The following PTPRN2 variants were observed in gnomAD, a reference collection of about 807,000 sequenced individuals.
The protein encoded by PTPRN2 is protein tyrosine phosphatase receptor type N2.
Under a neutral mutation model 118.8 loss-of-function variants are expected in PTPRN2, and 74 were observed. The observed-to-expected ratio is 0.62, with a 90% CI of 0.52 to 0.76. The LOEUF is 0.76. Among genes scored for constraint, PTPRN2 ranks in the 30% least tolerant of loss-of-function variants. The probability of loss-of-function intolerance (pLI) is 0.00; values close to 1 mark genes in which losing one functional copy is unlikely to be tolerated. For missense variants in PTPRN2, 1,481 were observed against 1,394.4 expected, an observed-to-expected ratio of 1.06 and a Z score of -0.99; for synonymous variants, 641 against 608.0, an observed-to-expected ratio of 1.05 and a Z score of -0.80.
chr7:157,772,253 GCACACAGACACC>G (rs1429200829), intron 12 of PTPRN2, among the ~76,000 whole-genome samples: 1 of 90,936 alleles, frequency 1.1e-5, no homozygotes, highest in Admixed American at 1.2e-4. Context: ...AGACACAGAC[GCACACAGACACC>G]CATACAGACA....
intron 12 of PTPRN2, among the ~76,000 whole-genome samples, chr7:157,755,290 C>A (rs1314347725): frequency 6.6e-6 from 1 of 152,108 alleles, no homozygotes; most frequent in Admixed American, 6.5e-5. Context: ...ACCCAGAAAC[C>A]CAGTACTGTG....
At chr7:158,000,513 G>T (rs528601967) in intron 11 of PTPRN2, among the ~76,000 whole-genome samples, 32 of 151,636 alleles carry the variant, frequency 2.1e-4, no homozygotes, top group Admixed American at 3.9e-4. Context: ...TTTCTTAACA[G>T]GAAGCTGCCT....
intron 2 of PTPRN2, among the ~76,000 whole-genome samples, chr7:158,337,273 A>T (rs1183063516): frequency 6.6e-6 from 1 of 151,082 alleles, no homozygotes; most frequent in African/African-American, 2.4e-5. Flanking sequence ...GACGTCACTC[A>T]AACTCACACT....
chr7:157,966,339 C>T (rs1801925006), intron 11 of PTPRN2, among the ~76,000 whole-genome samples: 1 of 151,936 alleles, frequency 6.6e-6, no homozygotes, highest in Admixed American at 6.6e-5. Flanking sequence ...ATCTTCACCA[C>T]CACCATCATT....
intron 12 of PTPRN2, among the ~76,000 whole-genome samples, chr7:157,699,648 G>A (rs890326318): frequency 1.3e-5 from 2 of 152,254 alleles, no homozygotes; most frequent in African/African-American, 4.8e-5. Flanking sequence ...GGCTGTTCTT[G>A]AGCTCCCAAC....
chr7:158,242,076 A>C (rs1042654915), intron 3 of PTPRN2, among the ~76,000 whole-genome samples: 8 of 152,214 alleles, frequency 5.3e-5, no homozygotes, highest in Non-Finnish European at 1.2e-4. Flanking sequence ...CCTATAAGGC[A>C]GGTTCACCCA....
chr7:158,341,250 C>G, intron 2 of PTPRN2, among the ~76,000 whole-genome samples: 1 of 152,088 alleles, frequency 6.6e-6, no homozygotes, highest in East Asian at 1.9e-4. Context: ...ATTGGTGACA[C>G]CTGCAGACGT....
intron 9 of PTPRN2, among the ~76,000 whole-genome samples, chr7:158,116,310 A>G (rs1162362089): frequency 6.6e-6 from 1 of 152,248 alleles, no homozygotes; most frequent in Non-Finnish European, 1.5e-5. Context: ...AGTAGGAAAC[A>G]CCAGGAATCT....
intron 3 of PTPRN2, among the ~76,000 whole-genome samples, chr7:158,249,637 A>T (rs796133038): frequency 2.0e-5 from 3 of 152,282 alleles, no homozygotes; most frequent in African/African-American, 7.2e-5. Context: ...TGAGTCTCCC[A>T]GTTGTGACGT....
intron 13 of PTPRN2, among the ~76,000 whole-genome samples, chr7:157,665,282 G>C (rs1371345236): frequency 6.6e-6 from 1 of 152,252 alleles, no homozygotes; most frequent in African/African-American, 2.4e-5. Context: ...CAGCCACAGC[G>C]GCCCAGTGTG....
intron 1 of PTPRN2, among the ~76,000 whole-genome samples, chr7:158,585,296 C>T (rs1586987412): frequency 6.6e-6 from 1 of 152,214 alleles, no homozygotes; most frequent in Non-Finnish European, 1.5e-5. Flanking sequence ...CCACATTCTG[C>T]CCCAAGGTGG....
chr7:158,044,472 C>T (rs770035790), intron 11 of PTPRN2, among the ~76,000 whole-genome samples: 2 of 152,200 alleles, frequency 1.3e-5, no homozygotes, highest in Non-Finnish European at 2.9e-5. Context: ...TAAATGGGAA[C>T]GTGTTGGAGC....
At chr7:157,786,241 C>T (rs150812889) in intron 12 of PTPRN2, among the ~76,000 whole-genome samples, 284 of 152,326 alleles carry the variant, frequency 1.9e-3, no homozygotes, top group African/African-American at 6.3e-3. Flanking sequence ...CCACAGGTAC[C>T]GTTCACGTAT....
intron 3 of PTPRN2, among the ~76,000 whole-genome samples, chr7:158,229,050 T>C (rs1237476862): frequency 1.3e-5 from 2 of 152,080 alleles, no homozygotes; most frequent in South Asian, 2.1e-4. Context: ...GCCAGCCTTC[T>C]CACACTGCTG....
chr7:157,715,804 G>C (rs1029011362), intron 12 of PTPRN2, among the ~76,000 whole-genome samples: 3 of 152,240 alleles, frequency 2.0e-5, no homozygotes, highest in African/African-American at 7.2e-5. Context: ...TGTCAAGATG[G>C]AGACAGACTC....
At chr7:158,471,925 A>T (rs2129444291) in intron 2 of PTPRN2, among the ~76,000 whole-genome samples, 3 of 152,318 alleles carry the variant, frequency 2.0e-5, no homozygotes, top group Middle Eastern at 3.4e-3. Flanking sequence ...AAGAGAAGAC[A>T]TGGGACAGCC....
At chr7:158,505,446 T>C (rs965709263) in intron 1 of PTPRN2, among the ~76,000 whole-genome samples, 10 of 152,158 alleles carry the variant, frequency 6.6e-5, no homozygotes, top group African/African-American at 2.4e-4. Context: ...TGACATCTAA[T>C]CATGCACAAT....
chr7:158,076,271 G>A (rs892855215), intron 11 of PTPRN2, among the ~76,000 whole-genome samples: 2 of 152,182 alleles, frequency 1.3e-5, no homozygotes, highest in African/African-American at 2.4e-5. Flanking sequence ...GATGGGCTTC[G>A]GGCCCCACCA....
rs545406666 is a variant in PTPRN2 at position 157,566,377 on chromosome 7, C to T, written c.2902+2525G>A. ...TCCAGCTTCTCAGGCCAGACAAAGA[C>T]GCCCCGCCACACGGGCAGGGCCCAG... On this transcript the variant is annotated intron_variant, in intron 21 of 22. Coordinates refer to ENST00000389418, the MANE Select transcript of PTPRN2 (RefSeq NM_002847.5). Among the ~76,000 whole-genome samples the T allele has an allele frequency of 4.2e-3, 647 of 152,332 alleles. 3 individuals carry two copies. Among genetic ancestry groups the T allele is most frequent in the African/African-American group, 8.0e-3 (331 of 41,584 alleles).
Sources: allele counts gnomAD v4.1 joint callset (sites outside exome capture counted in the v4.1 genomes callset), GRCh38; gene constraint gnomAD v4.1.1; transcripts MANE v1.5; gene names NCBI Gene and HGNC (gene_info 2026-07-23, HGNC 2026-07-21).